The following GRM8 variants were observed in gnomAD, a reference collection of about 807,000 sequenced individuals.
GRM8 encodes the protein metabotropic glutamate receptor 8.
GRM8 carries 47 observed loss-of-function variants against 87.2 expected under a neutral mutation model. The observed-to-expected ratio is 0.54, with a 90% confidence interval of 0.43 to 0.69. The LOEUF (loss-of-function observed/expected upper bound fraction) is 0.69, where lower values mean the gene tolerates loss of function less well. Ranked by LOEUF, GRM8 falls within the 30% of genes least tolerant of loss-of-function variation. The pLI, the probability that GRM8 is intolerant of heterozygous loss-of-function variation, is 0.00. For synonymous variants in GRM8, 396 were observed against 404.5 expected, an observed-to-expected ratio of 0.98 and a Z score of 0.25; for missense variants, 1,019 against 1,139.2, an observed-to-expected ratio of 0.89 and a Z score of 1.52.
rs148189994 is a variant in GRM8, at chr7:126,948,767, G to A, written c.728-44084C>T. The stretch of plus-strand genomic sequence containing the variant: ...CCCTGGGGAAGCGCTGTAGACACTC[G>A]GGATTCTCAGATGGGCCAGCCCAAG... On this transcript the variant is annotated intron_variant, in intron 3 of 10. Coordinates refer to ENST00000339582, the MANE Select transcript of GRM8 (RefSeq NM_000845.3). Among the ~76,000 whole-genome samples the A allele has an allele frequency of 3.4e-3, 523 of 152,236 alleles. 3 individuals carry two copies. The highest frequency in any genetic ancestry group is 0.014 in the Middle Eastern group (4 of 294).
At chr7:126,542,707 A>G (rs1195794496) in intron 8 of GRM8, among the ~76,000 whole-genome samples, 1 of 152,226 alleles carries the variant, frequency 6.6e-6, no homozygotes, top group Non-Finnish European at 1.5e-5. Context: ...TCCAGACTTT[A>G]TTCTTTAAAG....
chr7:126,735,764 A>G (rs1037041134), intron 7 of GRM8, among the ~76,000 whole-genome samples: 2 of 152,088 alleles, frequency 1.3e-5, no homozygotes, highest in Admixed American at 6.6e-5. Flanking sequence ...CACAATTCAA[A>G]AGCTCTAATC....
At chr7:126,441,541 G>GT (rs1215811314) in intron 10 of GRM8, among the ~76,000 whole-genome samples, 1 of 152,006 alleles carries the variant, frequency 6.6e-6, no homozygotes, top group Non-Finnish European at 1.5e-5. Flanking sequence ...ATGAATAATC[G>GT]TAAGATAAAA....
Position 126,508,850 on chromosome 7 carries a change from T to C in GRM8, c.2430+24102A>G, listed in dbSNP as rs533985424. ...TTTTCAATCCTAGAATGGCATAAAA[T>C]ATATGAAGCTCTGTCACACTTCATA... On this transcript the variant is annotated intron_variant, in intron 9 of 10. Transcript: ENST00000339582. Among the ~76,000 whole-genome samples, 6 of 152,146 alleles carry C rather than the reference T, an allele frequency of 3.9e-5. No individual in the cohort carries two copies. The South Asian group carries it at 1.2e-3, about 32-fold the overall frequency.
At chr7:126,791,292 G>T (rs568816889) in intron 6 of GRM8, among the ~76,000 whole-genome samples, 1 of 152,272 alleles carries the variant, frequency 6.6e-6, no homozygotes. Flanking sequence ...CTTGCTACTA[G>T]CATTCTTTGC....
At chr7:126,989,433 C>T (rs1812417226) in intron 3 of GRM8, among the ~76,000 whole-genome samples, 1 of 152,190 alleles carries the variant, frequency 6.6e-6, no homozygotes. Context: ...AGCTTATCTC[C>T]TTTTTATAAC....
chr7:126,598,389 T>G (rs1014471865), intron 8 of GRM8, among the ~76,000 whole-genome samples: 25 of 152,084 alleles, frequency 1.6e-4, no homozygotes, highest in Admixed American at 1.1e-3. Flanking sequence ...TGGTATGGCA[T>G]AGTTTTGTAT....
At chr7:126,922,741 A>C (rs1363418499) in intron 3 of GRM8, among the ~76,000 whole-genome samples, 1 of 152,126 alleles carries the variant, frequency 6.6e-6, no homozygotes, top group Non-Finnish European at 1.5e-5. Context: ...TGATTGGATC[A>C]TGTGGGCAGA....
At chr7:127,062,133 G>T (rs1386880185) in intron 3 of GRM8, among the ~76,000 whole-genome samples, 2 of 103,968 alleles carry the variant, frequency 1.9e-5, no homozygotes, top group Non-Finnish European at 4.1e-5. Context: ...AACAGAGCAA[G>T]ACTCCATCAA....
chr7:126,485,195 G>T (rs1807210858), intron 9 of GRM8, among the ~76,000 whole-genome samples: 1 of 152,010 alleles, frequency 6.6e-6, no homozygotes, highest in South Asian at 2.1e-4. Context: ...TCCTGAAGAA[G>T]CTTACTAGCC....
At chr7:126,614,806 A>C (rs1799285631) in intron 7 of GRM8, among the ~76,000 whole-genome samples, 1 of 152,222 alleles carries the variant, frequency 6.6e-6, no homozygotes, top group South Asian at 2.1e-4. Context: ...CAATGAAGCG[A>C]GAACAGAAGT....
chr7:127,014,710 T>A, intron 3 of GRM8, among the ~76,000 whole-genome samples: 1 of 152,070 alleles, frequency 6.6e-6, no homozygotes, highest in Non-Finnish European at 1.5e-5. Flanking sequence ...TTAAAATTCT[T>A]AAATGGTAAA....
chr7:127,052,264 C>T (rs1432515335), intron 3 of GRM8, among the ~76,000 whole-genome samples: 2 of 152,128 alleles, frequency 1.3e-5, no homozygotes, highest in African/African-American at 2.4e-5. Context: ...AAGCTCTCTG[C>T]CTCTTGCACC....
At chr7:126,853,703 C>T (rs557401709) in intron 6 of GRM8, among the ~76,000 whole-genome samples, 3 of 152,268 alleles carry the variant, frequency 2.0e-5, no homozygotes, top group East Asian at 3.9e-4. Context: ...GAACCTAAGG[C>T]ACCTATGAAT....
chr7:126,833,066 C>A (rs1192982158), intron 6 of GRM8, among the ~76,000 whole-genome samples: 1 of 152,138 alleles, frequency 6.6e-6, no homozygotes, highest in Non-Finnish European at 1.5e-5. Flanking sequence ...GTTAACCCTG[C>A]AGAAACATAA....
intron 2 of GRM8, among the ~76,000 whole-genome samples, chr7:127,227,905 G>C (rs954346554): frequency 1.3e-5 from 2 of 152,180 alleles, no homozygotes; most frequent in African/African-American, 4.8e-5. Flanking sequence ...GGGTGTGCTG[G>C]CCAGCCCATC....
intron 2 of GRM8, among the ~76,000 whole-genome samples, chr7:127,126,202 ATCT>A (rs1431421793): frequency 6.6e-6 from 1 of 152,086 alleles, no homozygotes; most frequent in Non-Finnish European, 1.5e-5. Context: ...ACTATTCATA[ATCT>A]TTGCTAAAGA....
chr7:127,223,481 AC>A (rs1797097411), intron 2 of GRM8, among the ~76,000 whole-genome samples: 2 of 137,788 alleles, frequency 1.5e-5, no homozygotes, highest in African/African-American at 6.2e-5. Flanking sequence ...ACACACACAC[AC>A]ACACAAAACT....
At chr7:127,232,609 A>C (rs1797758534) in intron 2 of GRM8, among the ~76,000 whole-genome samples, 2 of 152,148 alleles carry the variant, frequency 1.3e-5, no homozygotes, top group Admixed American at 1.3e-4. Context: ...CTTTGTTCAC[A>C]AAATAGGGCA....
Sources: gnomAD v4.1 joint callset for allele counts (sites outside exome capture counted in the v4.1 genomes callset) on GRCh38, gnomAD v4.1.1 for gene constraint, MANE v1.5 for transcripts, NCBI Gene and HGNC (gene_info 2026-07-23, HGNC 2026-07-21) for gene names.